Variants in THSD7A observed in about 807,000 individuals in gnomAD.
The protein encoded by THSD7A is thrombospondin type-1 domain-containing protein 7A.
In THSD7A, 96 loss-of-function variants were observed where a neutral mutation model predicts 231.3. The observed-to-expected ratio is 0.41, with a 90% CI of 0.35 to 0.49. THSD7A has a LOEUF of 0.49. THSD7A is among the 20% of genes least tolerant of loss of function. The pLI is 0.05. For missense variants in THSD7A, 2,290 were observed against 2,070.2 expected (o/e 1.11, Z -2.06); for synonymous variants, 940 against 743.3 (o/e 1.26, Z -4.30).
intron 23 of THSD7A, among the ~76,000 whole-genome samples, chr7:11,401,003 T>C (rs1171843427): frequency 6.6e-6 from 1 of 152,192 alleles, no homozygotes; most frequent in Non-Finnish European, 1.5e-5. Flanking sequence ...AATGATTCTA[T>C]GTGTGTATAC....
chr7:11,385,930 C>A (rs1406683516), intron 23 of THSD7A, among the ~76,000 whole-genome samples: 1 of 152,150 alleles, frequency 6.6e-6, no homozygotes, highest in Middle Eastern at 3.4e-3. Context: ...CATATGTTCT[C>A]GTTGTTCAAC....
At chr7:11,624,274 C>T (rs1374068539) in intron 2 of THSD7A, among the ~76,000 whole-genome samples, 1 of 151,944 alleles carries the variant, frequency 6.6e-6, no homozygotes, top group Non-Finnish European at 1.5e-5. Flanking sequence ...AGAATTTGAC[C>T]CCTCCAATCC....
chr7:11,511,133 C>A (rs574263583), intron 6 of THSD7A, among the ~76,000 whole-genome samples: 1 of 152,080 alleles, frequency 6.6e-6, no homozygotes, highest in Non-Finnish European at 1.5e-5. Flanking sequence ...TTCCTATACG[C>A]CAATAACAGA....
chr7:11,764,324 G>A (rs1194931359), intron 1 of THSD7A, among the ~76,000 whole-genome samples: 1 of 152,190 alleles, frequency 6.6e-6, no homozygotes, highest in Non-Finnish European at 1.5e-5. Context: ...GCTCATGCCT[G>A]TGATCCCAGC....
intron 11 of THSD7A, among the ~76,000 whole-genome samples, chr7:11,449,987 A>G (rs1785093412): frequency 6.6e-6 from 1 of 152,066 alleles, no homozygotes; most frequent in African/African-American, 2.4e-5. Flanking sequence ...AAAATTACCA[A>G]ACTAAATTTG....
At chr7:11,789,120 G>A (rs940780502) in intron 1 of THSD7A, among the ~76,000 whole-genome samples, 7 of 151,750 alleles carry the variant, frequency 4.6e-5, no homozygotes, top group Non-Finnish European at 8.8e-5. Context: ...AATATACCCA[G>A]TCCCCCAAAG....
intron 6 of THSD7A, among the ~76,000 whole-genome samples, chr7:11,519,201 C>G (rs1788159335): frequency 6.6e-6 from 1 of 152,034 alleles, no homozygotes. Context: ...AAGCAAACAC[C>G]TGGGTAATCG....
intron 4 of THSD7A, among the ~76,000 whole-genome samples, chr7:11,576,414 C>T (rs1046790356): frequency 2.0e-5 from 3 of 152,068 alleles, no homozygotes; most frequent in African/African-American, 7.3e-5. Flanking sequence ...GGGAAATCTA[C>T]ATATTTTTAC....
chr7:11,396,994 C>T (rs1372213313), intron 23 of THSD7A, among the ~76,000 whole-genome samples: 8 of 152,166 alleles, frequency 5.3e-5, no homozygotes, highest in African/African-American at 1.4e-4. Context: ...AATCAATAAA[C>T]GTAATCCATC....
At position 11,447,312 on chromosome 7, in the gene THSD7A, G is replaced by A. The variant is rs1432; in HGVS notation, c.2718C>T (p.Asp906=). The A allele has an allele frequency of 0.019, 30,811 of 1,613,010 alleles. 358 individuals carry two copies. Among genetic ancestry groups the A allele is most frequent in the Non-Finnish European group, 0.023 (27,515 of 1,179,422 alleles). ...ACTTGGACCAGCTGGTCAATTGACA[G>A]TCATCCTGGCAGGGGATCTGGCAGG... ...TQACQIPCQD[D]CQLTSWSKFS... Residue 906 remains aspartate, a synonymous_variant, in exon 12 of 28, where the codon GAC becomes GAT. Transcript: ENST00000423059.
chr7:11,516,455 C>A (rs577601411), intron 6 of THSD7A, among the ~76,000 whole-genome samples: 1 of 152,154 alleles, frequency 6.6e-6, no homozygotes, highest in Non-Finnish European at 1.5e-5. Flanking sequence ...CTGAAGTGTA[C>A]TTCATGGCTA....
intron 1 of THSD7A, among the ~76,000 whole-genome samples, chr7:11,777,791 G>C (rs1783465628): frequency 6.6e-6 from 1 of 152,096 alleles, no homozygotes. Context: ...CCTGATGATT[G>C]TTTAAATTAT....
chr7:11,583,236 T>C (rs1351265478), intron 4 of THSD7A, among the ~76,000 whole-genome samples: 1 of 152,142 alleles, frequency 6.6e-6, no homozygotes, highest in Non-Finnish European at 1.5e-5. Flanking sequence ...AGTTTTTCCT[T>C]TAAATCTTTA....
chr7:11,774,326 G>A (rs1387200749), intron 1 of THSD7A, among the ~76,000 whole-genome samples: 1 of 152,170 alleles, frequency 6.6e-6, no homozygotes, highest in Non-Finnish European at 1.5e-5. Context: ...TGGTTGCCAG[G>A]AGCTGGGGGA....
intron 1 of THSD7A, among the ~76,000 whole-genome samples, chr7:11,748,402 T>C (rs1457588684): frequency 6.6e-6 from 1 of 151,998 alleles, no homozygotes; most frequent in East Asian, 1.9e-4. Context: ...TCCCCGATTA[T>C]CAAAGTTTGT....
chr7:11,545,187 G>T (rs1251923815), intron 4 of THSD7A, among the ~76,000 whole-genome samples: 1 of 152,044 alleles, frequency 6.6e-6, no homozygotes, highest in Non-Finnish European at 1.5e-5. Flanking sequence ...GAAACTTTCG[G>T]AGTATCTAAT....
intron 1 of THSD7A, among the ~76,000 whole-genome samples, chr7:11,794,908 A>T (rs1301943072): frequency 6.6e-6 from 1 of 152,038 alleles, no homozygotes; most frequent in East Asian, 1.9e-4. Flanking sequence ...GAATAGAAAC[A>T]GGATTTCATT....
At chr7:11,792,461 C>A (rs1361304547) in intron 1 of THSD7A, among the ~76,000 whole-genome samples, 2 of 151,902 alleles carry the variant, frequency 1.3e-5, no homozygotes, top group African/African-American at 4.8e-5. Context: ...AACTTTCCTC[C>A]CCCAATATAT....
chr7:11,392,776 A>G (rs368987100), intron 23 of THSD7A, among the ~76,000 whole-genome samples: 2 of 152,212 alleles, frequency 1.3e-5, no homozygotes, highest in African/African-American at 4.8e-5. Context: ...GGAAGTTTGA[A>G]CTGGGCAGAG....
Sources: gnomAD v4.1 joint callset for allele counts (sites outside exome capture counted in the v4.1 genomes callset) on GRCh38, gnomAD v4.1.1 for gene constraint, MANE v1.5 for transcripts, NCBI Gene and HGNC (gene_info 2026-07-23, HGNC 2026-07-21) for gene names.